RARB: variants seen among roughly 807,000 people sequenced by gnomAD.
The protein encoded by RARB is retinoic acid receptor beta, also known as HBV-activated protein.
A neutral mutation model predicts 51.9 loss-of-function variants in RARB; 17 were observed. The ratio of observed to expected loss-of-function variants is 0.33; its 90% confidence interval spans 0.22 to 0.49. RARB has a LOEUF of 0.49. Among genes scored for constraint, RARB ranks in the 20% least tolerant of loss-of-function variants. The probability of loss-of-function intolerance (pLI) is 0.99; values close to 1 mark genes in which losing one functional copy is unlikely to be tolerated. For missense variants in RARB, 369 were observed against 550.8 expected (o/e 0.67, Z 3.30); for synonymous variants, 215 against 195.4 (o/e 1.10, Z -0.84).
chr3:25,456,343 G>T (rs969906080), intron 1 of RARB, among the ~76,000 whole-genome samples: 2 of 152,068 alleles, frequency 1.3e-5, no homozygotes, highest in Admixed American at 6.6e-5. Context: ...TGACTTTCTT[G>T]GGGGGTGGAG....
intron 3 of RARB, among the ~76,000 whole-genome samples, chr3:25,502,605 C>T (rs189257744): frequency 2.3e-3 from 357 of 152,288 alleles, no homozygotes; most frequent in African/African-American, 8.2e-3. Flanking sequence ...GGGATCCACT[C>T]AGTCAATTAA....
At chr3:24,962,115 G>A (rs11718952) in intron 2 of RARB, among the ~76,000 whole-genome samples, 64,468 of 151,424 alleles carry the variant, frequency 0.43, 14,208 homozygotes, top group Admixed American at 0.55. Context: ...ATTTTTAGTA[G>A]AGACGGGGTT....
intron 4 of RARB, among the ~76,000 whole-genome samples, chr3:25,156,227 T>C (rs1452213375): frequency 6.6e-6 from 1 of 152,170 alleles, no homozygotes; most frequent in African/African-American, 2.4e-5. Flanking sequence ...AACGAATGGG[T>C]CTGTGTTGAT....
chr3:25,266,576 C>T (rs1046579343), intron 5 of RARB, among the ~76,000 whole-genome samples: 3 of 152,002 alleles, frequency 2.0e-5, no homozygotes, highest in Non-Finnish European at 2.9e-5. Flanking sequence ...ACTTTGTTGT[C>T]GTATCTTTGA....
intron 2 of RARB, among the ~76,000 whole-genome samples, chr3:24,975,897 C>G (rs1361406422): frequency 1.3e-5 from 2 of 152,128 alleles, no homozygotes; most frequent in Non-Finnish European, 2.9e-5. Context: ...TTAGGTATTT[C>G]TCCCAGCGCT....
chr3:25,004,515 A>G (rs1261046113), intron 2 of RARB, among the ~76,000 whole-genome samples: 1 of 152,158 alleles, frequency 6.6e-6, no homozygotes, highest in East Asian at 1.9e-4. Context: ...TGAAGCCATG[A>G]TAACAGCATT....
At chr3:24,939,543 G>T (rs1258919875) in intron 2 of RARB, among the ~76,000 whole-genome samples, 1 of 152,216 alleles carries the variant, frequency 6.6e-6, no homozygotes, top group East Asian at 1.9e-4. Context: ...TCAGAAAAAG[G>T]CAAACTCTTT....
intron 5 of RARB, among the ~76,000 whole-genome samples, chr3:25,401,931 C>T (rs1707274079): frequency 6.6e-6 from 1 of 152,088 alleles, no homozygotes; most frequent in Non-Finnish European, 1.5e-5. Flanking sequence ...TGTGCGCCAC[C>T]AAGCTTGGCT....
At chr3:25,147,754 G>A (rs1339024472) in intron 4 of RARB, among the ~76,000 whole-genome samples, 1 of 152,224 alleles carries the variant, frequency 6.6e-6, no homozygotes, top group Non-Finnish European at 1.5e-5. Context: ...GCTACTCACT[G>A]TTGCAGTTTC....
intron 3 of RARB, among the ~76,000 whole-genome samples, chr3:25,540,550 G>A (rs540632984): frequency 9.5e-4 from 145 of 152,320 alleles, no homozygotes; most frequent in African/African-American, 3.3e-3. Context: ...TCTACTGTGA[G>A]TTTTGTGACC....
intron 3 of RARB, among the ~76,000 whole-genome samples, chr3:25,554,289 A>G (rs753463685): frequency 1.3e-5 from 2 of 151,598 alleles, no homozygotes; most frequent in Admixed American, 6.6e-5. Context: ...TTTTTGTTAA[A>G]TTTATTTTCT....
intron 5 of RARB, among the ~76,000 whole-genome samples, chr3:25,371,837 A>C (rs1706309975): frequency 6.6e-6 from 1 of 152,224 alleles, no homozygotes; most frequent in African/African-American, 2.4e-5. Flanking sequence ...CAGAAAATAG[A>C]GTCATAAATG....
chr3:25,128,349 A>G (rs529712606), intron 3 of RARB, among the ~76,000 whole-genome samples: 2 of 151,522 alleles, frequency 1.3e-5, no homozygotes, highest in Non-Finnish European at 2.9e-5. Flanking sequence ...AAAATCATGT[A>G]TATAAAGTAC....
chr3:24,989,260 T>C (rs1295521541), intron 2 of RARB, among the ~76,000 whole-genome samples: 2 of 152,226 alleles, frequency 1.3e-5, no homozygotes, highest in Admixed American at 6.5e-5. Context: ...GAATGGGATA[T>C]TGAATAACAA....
intron 3 of RARB, among the ~76,000 whole-genome samples, chr3:25,061,694 A>C (rs1462165916): frequency 6.6e-6 from 1 of 151,834 alleles, no homozygotes; most frequent in Admixed American, 6.6e-5. Context: ...TAATAATAAT[A>C]TGTTGATCCA....
chr3:25,164,493 A>C, intron 4 of RARB, among the ~76,000 whole-genome samples: 1 of 152,232 alleles, frequency 6.6e-6, no homozygotes. Context: ...GACCACAAAT[A>C]ACTCAAATGT....
chr3:25,027,569 A>G (rs1697775163), intron 2 of RARB, among the ~76,000 whole-genome samples: 1 of 152,012 alleles, frequency 6.6e-6, no homozygotes, highest in Non-Finnish European at 1.5e-5. Flanking sequence ...GTGAGTATCT[A>G]TCCCTCACAT....
At chr3:24,969,072 A>G (rs1696338497) in intron 2 of RARB, among the ~76,000 whole-genome samples, 1 of 152,088 alleles carries the variant, frequency 6.6e-6, no homozygotes, top group Non-Finnish European at 1.5e-5. Flanking sequence ...ATTCTGATAC[A>G]ATATTCATTT....
chr3:25,078,534 A>ATTTTTTTT (rs56349106), intron 3 of RARB, among the ~76,000 whole-genome samples: 7 of 141,290 alleles, frequency 5.0e-5, no homozygotes, highest in Non-Finnish European at 4.5e-5. Flanking sequence ...CCAACTTTCT[A>ATTTTTTTT]TTTTTTTTTT....
Sources: allele counts gnomAD v4.1 joint callset (sites outside exome capture counted in the v4.1 genomes callset), GRCh38; gene constraint gnomAD v4.1.1; transcripts MANE v1.5; gene names NCBI Gene and HGNC (gene_info 2026-07-23, HGNC 2026-07-21).